PSD3: variants seen among roughly 807,000 people sequenced by gnomAD.
PSD3 encodes PH and SEC7 domain-containing protein 3.
A neutral mutation model predicts 105.5 loss-of-function variants in PSD3; 49 were observed. The ratio of observed to expected loss-of-function variants is 0.46; its 90% CI spans 0.37 to 0.59. The LOEUF (loss-of-function observed/expected upper bound fraction) is 0.59, where lower values mean the gene tolerates loss of function less well. Ranked by LOEUF, PSD3 falls within the 20% of genes least tolerant of loss-of-function variation. The pLI, the probability that PSD3 is intolerant of heterozygous loss-of-function variation, is 0.00. For missense variants in PSD3, 1,561 were observed against 1,263.8 expected (o/e 1.24, Z -3.57); for synonymous variants, 557 against 457.8 (o/e 1.22, Z -2.77).
At chr8:19,011,571 T>C (rs1222040057) in intron 1 of PSD3, among the ~76,000 whole-genome samples, 3 of 152,228 alleles carry the variant, frequency 2.0e-5, no homozygotes, top group African/African-American at 4.8e-5. Context: ...CAAGATTTAC[T>C]AGCCTGTAAG....
chr8:18,980,003 C>G (rs945295429), intron 1 of PSD3, among the ~76,000 whole-genome samples: 3 of 152,142 alleles, frequency 2.0e-5, no homozygotes, highest in African/African-American at 7.2e-5. Context: ...TATGTTTTGG[C>G]AATTATACAC....
intron 2 of PSD3, among the ~76,000 whole-genome samples, chr8:18,900,113 T>C (rs555685147): frequency 6.6e-6 from 1 of 152,196 alleles, no homozygotes; most frequent in Non-Finnish European, 1.5e-5. Context: ...TGTCTGCTGC[T>C]TCTCCTGTTA....
intron 14 of PSD3, among the ~76,000 whole-genome samples, chr8:18,562,271 C>T (rs1563324033): frequency 6.6e-6 from 1 of 152,180 alleles, no homozygotes. Flanking sequence ...AGAACCTGGC[C>T]ACTGTCCTTT....
intron 11 of PSD3, among the ~76,000 whole-genome samples, chr8:18,623,083 C>G (rs1362968344): frequency 6.6e-6 from 1 of 152,018 alleles, no homozygotes; most frequent in Non-Finnish European, 1.5e-5. Context: ...ACAGCTATAA[C>G]CATATGGTCC....
At chr8:18,620,027 C>T (rs1365702296) in intron 11 of PSD3, among the ~76,000 whole-genome samples, 1 of 152,148 alleles carries the variant, frequency 6.6e-6, no homozygotes, top group Non-Finnish European at 1.5e-5. Context: ...TCTCTGAGGG[C>T]TGCCACCCAT....
intron 1 of PSD3, among the ~76,000 whole-genome samples, chr8:19,032,050 C>G (rs1174119961): frequency 6.6e-6 from 1 of 152,144 alleles, no homozygotes; most frequent in Non-Finnish European, 1.5e-5. Flanking sequence ...GAATGGGATG[C>G]TCAGGCCTCT....
intron 2 of PSD3, among the ~76,000 whole-genome samples, chr8:18,880,507 C>T (rs191092135): frequency 1.2e-4 from 19 of 152,226 alleles, no homozygotes; most frequent in East Asian, 3.9e-4. Flanking sequence ...AGGTGAGAGA[C>T]GGTGAGTGCT....
chr8:18,764,611 A>T (rs563441198), intron 9 of PSD3, among the ~76,000 whole-genome samples: 9 of 152,314 alleles, frequency 5.9e-5, no homozygotes, highest in Admixed American at 5.9e-4. Flanking sequence ...CATAAAACAC[A>T]ACAAAGGACT....
rs557559797 is a variant in PSD3, at chr8:18,534,436, T to C, written c.*1307A>G. 1 of 152,554 alleles carries C rather than the reference T, an allele frequency of 6.6e-6. No individual in the cohort carries two copies. The highest frequency in any genetic ancestry group is 1.9e-4 in the East Asian group (1 of 5,172). 9.5% of individuals were successfully genotyped at this position (152,554 alleles called of 1,614,324 possible). On this transcript the variant is annotated 3_prime_UTR_variant, in exon 16 of 16. Transcript: ENST00000327040. ...CAAAGGGACTGTAACTGGAACAAGC[T>C]CATGACTGCAAAGTTAATAGAACCA...
At chr8:18,544,307 C>T (rs533881005) in intron 15 of PSD3, among the ~76,000 whole-genome samples, 2 of 152,192 alleles carry the variant, frequency 1.3e-5, no homozygotes, top group East Asian at 3.9e-4. Flanking sequence ...AGAGACTCTC[C>T]TTGACCAGGT....
intron 8 of PSD3, among the ~76,000 whole-genome samples, chr8:18,766,681 G>A (rs1807028385): frequency 6.6e-6 from 1 of 152,182 alleles, no homozygotes; most frequent in Non-Finnish European, 1.5e-5. Context: ...CTAATAAAAT[G>A]CTGGCAGAGG....
chr8:18,906,533 G>A (rs998673123), intron 2 of PSD3, among the ~76,000 whole-genome samples: 1 of 152,160 alleles, frequency 6.6e-6, no homozygotes, highest in African/African-American at 2.4e-5. Flanking sequence ...AGGCTCTGAT[G>A]GCCTGGTGAT....
chr8:18,836,006 G>A (rs996614249), intron 4 of PSD3, among the ~76,000 whole-genome samples: 4 of 152,198 alleles, frequency 2.6e-5, no homozygotes, highest in African/African-American at 7.2e-5. Flanking sequence ...GGAATAAACC[G>A]TGCTCACCTG....
At chr8:18,629,108 T>C (rs1161192730) in intron 11 of PSD3, among the ~76,000 whole-genome samples, 2 of 151,890 alleles carry the variant, frequency 1.3e-5, no homozygotes, top group Admixed American at 1.3e-4. Context: ...AAAATTTGTA[T>C]AGCATGCAAA....
chr8:18,573,322 T>G (rs1045019754), intron 13 of PSD3, among the ~76,000 whole-genome samples: 2 of 152,116 alleles, frequency 1.3e-5, no homozygotes, highest in African/African-American at 4.8e-5. Flanking sequence ...ATACAGAAAT[T>G]AGCTGGGCAT....
intron 4 of PSD3, among the ~76,000 whole-genome samples, chr8:18,862,136 G>A (rs982544045): frequency 1.3e-5 from 2 of 152,106 alleles, no homozygotes; most frequent in African/African-American, 4.8e-5. Context: ...GACATTGTTA[G>A]GCCACTTGAC....
intron 11 of PSD3, among the ~76,000 whole-genome samples, chr8:18,630,913 C>T (rs562180423): frequency 6.6e-6 from 1 of 151,774 alleles, no homozygotes; most frequent in East Asian, 1.9e-4. Context: ...GGAGGATATG[C>T]ATCAGTTATA....
intron 1 of PSD3, among the ~76,000 whole-genome samples, chr8:19,031,902 A>T (rs747242261): frequency 1.2e-4 from 19 of 152,206 alleles, no homozygotes; most frequent in Non-Finnish European, 2.1e-4. Context: ...ACTCTTCCTG[A>T]TACAGTTGTT....
rs553432747 is a variant in PSD3, at chr8:18,529,141, C to T, written c.*6602G>A. ...ACCAGCTTCTGGGACTTCACCCAGG[C>T]TACGGAGAGATGCTGGAGAGCTGCT... On this transcript the variant is annotated 3_prime_UTR_variant, in exon 16 of 16. Transcript: ENST00000327040. 1 of 152,310 alleles carries T rather than the reference C, an allele frequency of 6.6e-6. No individual in the cohort carries two copies. Among genetic ancestry groups the T allele is most frequent in the Non-Finnish European group, 1.5e-5 (1 of 68,026 alleles). 9.4% of individuals were successfully genotyped at this position (152,310 alleles called of 1,614,324 possible).
Sources: gnomAD v4.1 joint callset for allele counts (sites outside exome capture counted in the v4.1 genomes callset) on GRCh38, gnomAD v4.1.1 for gene constraint, MANE v1.5 for transcripts, NCBI Gene and HGNC (gene_info 2026-07-23, HGNC 2026-07-21) for gene names.